BRIP1: variants seen among roughly 807,000 people sequenced by gnomAD.
The protein encoded by BRIP1 is Fanconi anemia group J protein.
In BRIP1, 88 loss-of-function variants were observed where a neutral mutation model predicts 119.7. The ratio of observed to expected loss-of-function variants is 0.74; its 90% CI spans 0.62 to 0.88. BRIP1 has a LOEUF of 0.88. Ranked by LOEUF, BRIP1 falls within the 40% of genes least tolerant of loss-of-function variation. The pLI is 0.00. For missense variants in BRIP1, 1,259 were observed against 1,455.4 expected, an observed-to-expected ratio of 0.87 and a Z score of 2.20; for synonymous variants, 443 against 496.5, an observed-to-expected ratio of 0.89 and a Z score of 1.43.
intron 17 of BRIP1, among the ~76,000 whole-genome samples, chr17:61,712,889 C>T (rs2061801123): frequency 3.1e-5 from 4 of 129,236 alleles, no homozygotes; most frequent in Admixed American, 2.5e-4. Flanking sequence ...GGCTACAGAG[C>T]GAGACTTCAT....
In BRIP1 at chr17:61,769,056, A is replaced by G. The variant is rs1227790578; in HGVS notation, c.2097+7345T>C. ...GAGTCATCCTTAGCCAACAGCCCGC[A>G]AAAGACTGGGTATCTCACTCAGTCC... On this transcript the variant is annotated intron_variant, in intron 14 of 19. Transcript: ENST00000259008. This position sits in a 1 kb window ranked among gnomAD's most constrained non-coding sequence, Gnocchi z 4.9. Among the ~76,000 whole-genome samples the G allele has an allele frequency of 6.6e-6, 1 of 152,188 alleles. No homozygotes were observed. Among genetic ancestry groups the G allele is most frequent in the Non-Finnish European group, 1.5e-5 (1 of 68,032 alleles).
rs2144261303 is a variant in BRIP1, at chr17:61,701,375, A to C, written c.2493-7863T>G. Among the ~76,000 whole-genome samples, 1 of 152,354 alleles carries C rather than the reference A, an allele frequency of 6.6e-6. No individual in the cohort carries two copies. Among genetic ancestry groups the C allele is most frequent in the South Asian group, 2.1e-4 (1 of 4,826 alleles). ...GTGGTCATTGAAGACTGCTCGATTA[A>C]CTTAGTAGTCAGCTAATAATTAGAC... On this transcript the variant is annotated intron_variant, in intron 17 of 19. Transcript: ENST00000259008. The surrounding 1 kb of genome is among the most constrained non-coding windows in gnomAD (Gnocchi z 5.1).
rs1227361995 is a variant in BRIP1, at chr17:61,844,962, A to G, written c.627+2139T>C. Reference sequence around the variant, plus strand: ...TCAACAAATAAATATTTATTAGACAACTAATATGCACCATATGCTATTCTA... The same window carrying G: ...TCAACAAATAAATATTTATTAGACAGCTAATATGCACCATATGCTATTCTA... On this transcript the variant is annotated intron_variant, in intron 6 of 19. Coordinates refer to ENST00000259008, the MANE Select transcript of BRIP1 (RefSeq NM_032043.3). This position sits in a 1 kb window ranked among gnomAD's most constrained non-coding sequence, Gnocchi z 4.7. Among the ~76,000 whole-genome samples the G allele has an allele frequency of 6.6e-6, 1 of 152,240 alleles. No individual in the cohort carries two copies. Among genetic ancestry groups the G allele is most frequent in the Non-Finnish European group, 1.5e-5 (1 of 68,046 alleles).
Position 61,789,630 on chromosome 17 carries a change from C to A in BRIP1, c.1473+3967G>T, listed in dbSNP as rs1178571188. ...TATTATACTGGGAAACTGGAAATAA[C>A]CTATATTTCAACTTATCAGATTAAT... On this transcript the variant is annotated intron_variant, in intron 10 of 19. Transcript: ENST00000259008. This position sits in a 1 kb window ranked among gnomAD's most constrained non-coding sequence, Gnocchi z 4.8. Among the ~76,000 whole-genome samples the A allele has an allele frequency of 6.6e-6, 1 of 152,082 alleles. No homozygotes were observed. Among genetic ancestry groups the A allele is most frequent in the African/African-American group, 2.4e-5 (1 of 41,430 alleles).
In BRIP1 at chr17:61,810,803, A is replaced by G. The variant is rs1047231051; in HGVS notation, c.628-2046T>C. ...TATCCCATCACGAATAATTTAGTGT[A>G]TAACTTACTGACCTTCATATATACA... On this transcript the variant is annotated intron_variant, in intron 6 of 19. Coordinates refer to ENST00000259008, the MANE Select transcript of BRIP1 (RefSeq NM_032043.3). This position sits in a 1 kb window ranked among gnomAD's most constrained non-coding sequence, Gnocchi z 4.7. Among the ~76,000 whole-genome samples the G allele has an allele frequency of 6.6e-6, 1 of 152,224 alleles. No homozygotes were observed. Among genetic ancestry groups the G allele is most frequent in the Non-Finnish European group, 1.5e-5 (1 of 68,024 alleles).
rs1240349589 is a variant in BRIP1, at chr17:61,824,594, A to G, written c.628-15837T>C. On this transcript the variant is annotated intron_variant, in intron 6 of 19. Coordinates refer to ENST00000259008, the MANE Select transcript of BRIP1 (RefSeq NM_032043.3). The surrounding 1 kb of genome is among the most constrained non-coding windows in gnomAD (Gnocchi z 4.3). Reference sequence around the variant, plus strand: ...TTTTTTCAACAAATGGTGCAGGGAAACCTGGATATCTACACACAAACAATG... The same window carrying G: ...TTTTTTCAACAAATGGTGCAGGGAAGCCTGGATATCTACACACAAACAATG... Among the ~76,000 whole-genome samples the G allele has an allele frequency of 6.7e-6, 1 of 149,900 alleles. No homozygotes were observed. Among genetic ancestry groups the G allele is most frequent in the East Asian group, 2.0e-4 (1 of 5,062 alleles).
Position 61,683,177 on chromosome 17 carries a change from G to T in BRIP1, c.*119C>A. The T allele has an allele frequency of 8.3e-7, 1 of 1,198,204 alleles. No homozygotes were observed. Among genetic ancestry groups the T allele is most frequent in the Non-Finnish European group, 1.2e-6 (1 of 847,336 alleles). 74.2% of individuals were successfully genotyped at this position (1,198,204 alleles called of 1,614,324 possible). ...CAAGAATAATAACATTTACATTTCT[G>T]AACATAAAATAGTTTTTTAAAAAGT... On this transcript the variant is annotated 3_prime_UTR_variant, in exon 20 of 20. Coordinates refer to ENST00000259008, the MANE Select transcript of BRIP1 (RefSeq NM_032043.3). This position sits in a 1 kb window ranked among gnomAD's most constrained non-coding sequence, Gnocchi z 4.7.
intron 16 of BRIP1, among the ~76,000 whole-genome samples, chr17:61,728,688 C>T (rs2076803130): frequency 6.6e-6 from 1 of 152,134 alleles, no homozygotes; most frequent in Non-Finnish European, 1.5e-5. Flanking sequence ...AACTGGCAAT[C>T]CATCACAGAA....
chr17:61,818,881 T>A (rs1165714373), intron 6 of BRIP1, among the ~76,000 whole-genome samples: 1 of 152,110 alleles, frequency 6.6e-6, no homozygotes, highest in Non-Finnish European at 1.5e-5. Flanking sequence ...TATAATTTCA[T>A]CCCAATTAAA....
chr17:61,744,675 G>A lies in BRIP1; in HGVS notation c.2098-84C>T, dbSNP rs9892156. The A allele has an allele frequency of 8.7e-3, 10,139 of 1,170,514 alleles. 500 individuals are homozygous for A. In the African/African-American group the frequency reaches 0.12, roughly 13 times the overall value. 72.5% of individuals were successfully genotyped at this position (1,170,514 alleles called of 1,614,324 possible). ...CATTTGTTTAAGCCAATGTGACTAC[G>A]GCAAGTATATTAATCTCTCTGTGTC... On this transcript the variant is annotated intron_variant, in intron 14 of 19. Coordinates refer to ENST00000259008, the MANE Select transcript of BRIP1 (RefSeq NM_032043.3). The surrounding 1 kb of genome is among the most constrained non-coding windows in gnomAD (Gnocchi z 5.0).
chr17:61,851,287 G>T lies in BRIP1; in HGVS notation c.380-2031C>A, dbSNP rs1313231990. Among the ~76,000 whole-genome samples, 1 of 152,086 alleles carries T rather than the reference G, an allele frequency of 6.6e-6. No homozygotes were observed. The highest frequency in any genetic ancestry group is 1.9e-4 in the East Asian group (1 of 5,198). Reference sequence around the variant, plus strand: ...TTCCAAAATAGGGATGAAAGACCCAGAACTTCCCTGATCCACTTTCCCCCT... The same window carrying T: ...TTCCAAAATAGGGATGAAAGACCCATAACTTCCCTGATCCACTTTCCCCCT... On this transcript the variant is annotated intron_variant, in intron 4 of 19. Coordinates refer to ENST00000259008, the MANE Select transcript of BRIP1 (RefSeq NM_032043.3). The surrounding 1 kb of genome is among the most constrained non-coding windows in gnomAD (Gnocchi z 4.6).
chr17:61,806,205 T>C lies in BRIP1; in HGVS notation c.918+2262A>G, dbSNP rs540914851. 4.3e-4 allele frequency among the ~76,000 whole-genome samples: 66 copies of C among 152,332 alleles called. No homozygotes were observed. The highest frequency in any genetic ancestry group is 7.9e-4 in the Non-Finnish European group (54 of 68,014). On this transcript the variant is annotated intron_variant, in intron 7 of 19. Coordinates refer to ENST00000259008, the MANE Select transcript of BRIP1 (RefSeq NM_032043.3). The surrounding 1 kb of genome is among the most constrained non-coding windows in gnomAD (Gnocchi z 4.9). ...AGGAAGTCTGTCAATTGAAGTGTTA[T>C]CACACTTTAAACACTTCCATTCAAA...
At chr17:61,715,036 C>A (rs2061838841) in intron 17 of BRIP1, among the ~76,000 whole-genome samples, 1 of 151,770 alleles carries the variant, frequency 6.6e-6, no homozygotes, top group African/African-American at 2.4e-5. Context: ...CCCATCTCTA[C>A]TAAAAATACA....
chr17:61,858,341 A>G (rs922454276), intron 3 of BRIP1, among the ~76,000 whole-genome samples: 7 of 152,074 alleles, frequency 4.6e-5, no homozygotes, highest in African/African-American at 1.7e-4. Context: ...GTGAGAATCA[A>G]AATGAACAAC....
rs138905847 is a variant in BRIP1, at chr17:61,807,167, A to C, written c.918+1300T>G. 6.6e-6 allele frequency among the ~76,000 whole-genome samples: 1 copy of C among 152,358 alleles called. No homozygotes were observed. The highest frequency in any genetic ancestry group is 1.9e-4 in the East Asian group (1 of 5,192). On this transcript the variant is annotated intron_variant, in intron 7 of 19. Coordinates refer to ENST00000259008, the MANE Select transcript of BRIP1 (RefSeq NM_032043.3). The surrounding 1 kb of genome is among the most constrained non-coding windows in gnomAD (Gnocchi z 4.5). ...ACTTAGTCACTATGGAAAGCAGTCT[A>C]CTTATGCATGAAATTCATGGAGTTT...
At chr17:61,817,949 TG>T (rs1423012453) in intron 6 of BRIP1, among the ~76,000 whole-genome samples, 2 of 152,210 alleles carry the variant, frequency 1.3e-5, no homozygotes, top group African/African-American at 4.8e-5. Flanking sequence ...TAATCTTTTT[TG>T]TTCTAATTTT....
Position 61,744,496 on chromosome 17 carries a change from T to C in BRIP1, c.2193A>G (p.Glu731=), listed in dbSNP as rs781712098. The C allele has an allele frequency of 3.1e-6, 5 of 1,613,908 alleles. No individual in the cohort carries two copies. In the African/African-American group the frequency reaches 6.7e-5, roughly 22 times the overall value. The stretch of plus-strand genomic sequence containing the variant: ...GCAGTAATTCATCAAAATTTGTTTT[T>C]TCTCCTCCCTGTGGTTCTACAATGA... ...KTVIVEPQGG[E]KTNFDELLQV... The change falls in exon 15 of 20, where the codon GAA becomes GAG. Residue 731 remains glutamate, a synonymous_variant. Coordinates refer to ENST00000259008, the MANE Select transcript of BRIP1 (RefSeq NM_032043.3). This position sits in a 1 kb window ranked among gnomAD's most constrained non-coding sequence, Gnocchi z 5.0.
chr17:61,719,182 C>G (rs1452992568), intron 16 of BRIP1, among the ~76,000 whole-genome samples: 2 of 147,902 alleles, frequency 1.4e-5, no homozygotes, highest in Non-Finnish European at 1.5e-5. Flanking sequence ...CATTGCCCCC[C>G]CCCCATGTTT....
At position 61,746,663 on chromosome 17, in the gene BRIP1, A is replaced by G. The variant is rs2077062106; in HGVS notation, c.2098-2072T>C. ...TTTAACAACTATAAATATACACACA[A>G]CCAACATCAGAGCACCCAAATATAG... On this transcript the variant is annotated intron_variant, in intron 14 of 19. Coordinates refer to ENST00000259008, the MANE Select transcript of BRIP1 (RefSeq NM_032043.3). The surrounding 1 kb of genome is among the most constrained non-coding windows in gnomAD (Gnocchi z 4.9). Among the ~76,000 whole-genome samples, 2 of 152,146 alleles carry G rather than the reference A, an allele frequency of 1.3e-5. No individual in the cohort carries two copies. Among genetic ancestry groups the G allele is most frequent in the Non-Finnish European group, 2.9e-5 (2 of 67,996 alleles).
Sources: gnomAD v4.1 joint callset for allele counts (sites outside exome capture counted in the v4.1 genomes callset) on GRCh38, gnomAD v4.1.1 for gene constraint, Gnocchi (gnomAD v3.1) non-coding constraint, MANE v1.5 for transcripts, NCBI Gene and HGNC (gene_info 2026-07-23, HGNC 2026-07-21) for gene names.